The following MUC4 variants were observed in gnomAD, a reference collection of about 807,000 sequenced individuals.
MUC4 encodes the protein mucin 4, cell surface associated.
A neutral mutation model predicts 257.9 loss-of-function variants in MUC4; 202 were observed. That is an observed-to-expected ratio of 0.78 (90% CI 0.70 to 0.88). MUC4 has a LOEUF of 0.88. MUC4 is among the 40% of genes least tolerant of loss of function. The pLI is 0.00. For synonymous variants in MUC4, 2,351 were observed against 2,757.1 expected, an observed-to-expected ratio of 0.85 and a Z score of 4.62; for missense variants, 5,976 against 6,513.7, an observed-to-expected ratio of 0.92 and a Z score of 2.84.
rs773941413 is a variant in MUC4, at chr3:195,782,474, C to T, written c.9106G>A (p.Gly3036Ser). The T allele has an allele frequency of 1.7e-3, 2,414 of 1,437,578 alleles. 392 individuals are homozygous for T. The African/African-American group carries it at 0.053, about 32-fold the overall frequency. 89.1% of individuals were successfully genotyped at this position (1,437,578 alleles called of 1,614,324 possible). ...HVTSPSSAST[G>S]HATPLPVTDT... ...GTGACAGGAAGCGGGGTGGCGTGAC[C>T]GGTGGATGCTGAGGAAGGGCTGGTG... Residue 3036 changes from glycine to serine, a missense_variant, in exon 2 of 25, where the codon GGT becomes AGT. Gly to Ser is a moderately conservative substitution (Grantham distance 56, BLOSUM62 0). Around this residue, in one of 44 missense-constraint regions of MUC4, gnomAD observed 52 missense variants for 102.2 expected, o/e 0.51. Transcript: ENST00000463781.
intron 16 of MUC4, among the ~76,000 whole-genome samples, 163 bp from the exon 17 acceptor site, chr3:195,759,424 C>A (rs1560236690): frequency 6.6e-6 from 1 of 152,194 alleles, no homozygotes; most frequent in Non-Finnish European, 1.5e-5. Context: ...TGACGCACAG[C>A]AGGCTGGGAC....
rs374413405 is a variant in MUC4 at position 195,789,634 on chromosome 3, G to A, written c.1946C>T (p.Ser649Leu). ...GGGGGAGACGGACCTCGTGGTTTGT[G>A]ATTCTTGTGTGGTCTGCGGGGCTTG... is the stretch of plus-strand genomic sequence containing the variant. Reference protein sequence around the residue: ...HTQAPQTTQESQTTRSVSPMT... With the variant: ...HTQAPQTTQELQTTRSVSPMT... The change falls in exon 2 of 25, where the codon TCA becomes TTA. Residue 649 changes from serine (S) to leucine (L), a missense_variant. Around this residue, in one of 44 missense-constraint regions of MUC4, gnomAD observed 1,583 missense variants for 1,257.4 expected, o/e 1.26. Transcript: ENST00000463781. 20 of 1,613,894 alleles carry A rather than the reference G, an allele frequency of 1.2e-5. No individual in the cohort carries two copies. The East Asian group carries it at 2.2e-4, about 18-fold the overall frequency.
chr3:195,793,671 G>C (rs911503820), intron 1 of MUC4, among the ~76,000 whole-genome samples: 1 of 152,172 alleles, frequency 6.6e-6, no homozygotes, highest in Non-Finnish European at 1.5e-5. Context: ...TTGTGAGGAG[G>C]AAGGTGAGGT....
rs749631829 is a variant in MUC4, at chr3:195,789,035, A to G, written c.2545T>C (p.Ser849Pro). 8.1e-6 allele frequency: 13 copies of G among 1,613,802 alleles called. No individual in the cohort carries two copies. The highest frequency in any genetic ancestry group is 1.1e-5 in the Non-Finnish European group (13 of 1,179,832). Residue 849 changes from serine (S) to proline (P), a missense_variant, in exon 2 of 25, where the codon TCC becomes CCC. Ser to Pro is a moderately conservative substitution (Grantham distance 74). This residue lies in a region of MUC4 where 1,583 missense variants were observed against 1,257.4 expected (regional missense o/e 1.26). Coordinates refer to ENST00000463781, the MANE Select transcript of MUC4 (RefSeq NM_018406.7). The part of the protein sequence containing the change: ...HTTQSTTELL[S>P]ASASHGAIPV... ...ATGGCACCATGACTGGCTGAGGCGGACAGCAATTCGGTTGTTGACTGGGTT... is the reference window on the plus strand; with the variant it reads ...ATGGCACCATGACTGGCTGAGGCGGGCAGCAATTCGGTTGTTGACTGGGTT...
At chr3:195,774,056 A>G in intron 4 of MUC4, 116 bp downstream of exon 4, 1 of 1,319,730 alleles carries the variant, frequency 7.6e-7, no homozygotes, top group Non-Finnish European at 1.0e-6. Context: ...GTGGGGATGG[A>G]CGAGGGGCCC....
chr3:195,778,697 A>C, intron 2 of MUC4, 93 bp downstream of exon 2: 3 of 1,401,594 alleles, frequency 2.1e-6, no homozygotes, highest in Non-Finnish European at 2.9e-6. Context: ...CCACCAGGTA[A>C]TGCGAATGCA....
Position 195,762,884 on chromosome 3 carries a change from G to A in MUC4, c.14315C>T (p.Thr4772Ile). 1 of 1,571,416 alleles carries A rather than the reference G, an allele frequency of 6.4e-7. No homozygotes were observed. ...GCCGTCTTCATGGTCAGGCTGAAAT[G>A]TCACAGTCTGGTTATCCAGCAGGAC... is the stretch of plus-strand genomic sequence containing the variant. ...IRVLLDNQTV[T>I]FQPDHEDGGG... The change falls in exon 13 of 25, where the codon ACA becomes ATA. Residue 4772 changes from threonine (T) to isoleucine (I), a missense_variant. Coordinates refer to ENST00000463781, the MANE Select transcript of MUC4 (RefSeq NM_018406.7).
Position 195,769,065 on chromosome 3 carries a change from C to A in MUC4, c.13486G>T (p.Val4496Leu), listed in dbSNP as rs142282636. 6.2e-7 allele frequency: 1 copy of A among 1,614,102 alleles called. No individual in the cohort carries two copies. The highest frequency in any genetic ancestry group is 8.5e-7 in the Non-Finnish European group (1 of 1,180,012). ...ACCGGGTTGCCTGAGCGCTGGGCCA[C>A]GTCCCACTGCATCCCACCGCTCTGG... ...LYQSGGMQWD[V>L]AQRSGNPVLM... The change falls in exon 7 of 25, where the codon GTG becomes TTG. Residue 4496 changes from valine (V) to leucine (L), a missense_variant. Val to Leu is a conservative substitution (Grantham distance 32, BLOSUM62 1). Around this residue, in one of 44 missense-constraint regions of MUC4, gnomAD observed 996 missense variants for 1,137.3 expected, o/e 0.88. Transcript: ENST00000463781.
rs534365957 is a variant in MUC4, at chr3:195,765,645, C to T, written c.13619-196G>A. 3.9e-5 allele frequency among the ~76,000 whole-genome samples: 6 copies of T among 152,348 alleles called. No individual in the cohort carries two copies. In the East Asian group the frequency reaches 7.7e-4, roughly 20 times the overall value. The stretch of plus-strand genomic sequence containing the variant: ...TTAGCGTCTGCTTCTGACGACCAAA[C>T]GTGGTTGCCACAGAACAAATAGAAC... On this transcript the variant is annotated intron_variant, in intron 8 of 24. Transcript: ENST00000463781.
chr3:195,797,999 G>C (rs540160204), intron 1 of MUC4, among the ~76,000 whole-genome samples: 29 of 152,132 alleles, frequency 1.9e-4, no homozygotes, highest in Admixed American at 1.7e-3. Flanking sequence ...CACACATATA[G>C]TTCCAGCTAC....
intron 1 of MUC4, among the ~76,000 whole-genome samples, chr3:195,809,033 T>C (rs1355220337): frequency 6.6e-6 from 1 of 152,178 alleles, no homozygotes; most frequent in Non-Finnish European, 1.5e-5. Context: ...GACCAAGGCC[T>C]ATTTCGACCC....
intron 7 of MUC4, among the ~76,000 whole-genome samples, chr3:195,767,920 TGCCACCTCCACC>T (rs1721910386): frequency 2.3e-5 from 1 of 43,112 alleles, no homozygotes; most frequent in African/African-American, 1.2e-4. Context: ...CCATCGCCAC[TGCCACCTCCACC>T]GCCACTACCA....
At chr3:195,798,659 G>A (rs1206952976) in intron 1 of MUC4, among the ~76,000 whole-genome samples, 3 of 151,926 alleles carry the variant, frequency 2.0e-5, no homozygotes, top group African/African-American at 4.8e-5. Context: ...AGCCGAGATT[G>A]CACCACTGCA....
Position 195,791,083 on chromosome 3 carries a change from G to C in MUC4, c.497C>G (p.Thr166Ser). Residue 166 changes from threonine (T) to serine (S), a missense_variant, in exon 2 of 25, where the codon ACC (threonine) becomes AGC (serine). By Grantham distance (58) the Thr-to-Ser change is moderately conservative. This residue lies in a region of MUC4 where 1,583 missense variants were observed against 1,257.4 expected (regional missense o/e 1.26). Coordinates refer to ENST00000463781, the MANE Select transcript of MUC4 (RefSeq NM_018406.7). ...TAGTESSTPV[T>S]SAVSITAGQE... is the part of the protein sequence containing the mutation. ...TCCAGCTGTTATTGAGACTGCTGAG[G>C]TCACTGGGGTAGAACTTTCAGTTCC... is the stretch of plus-strand genomic sequence containing the variant. 6.2e-7 allele frequency: 1 copy of C among 1,613,710 alleles called. No individual in the cohort carries two copies. The highest frequency in any genetic ancestry group is 2.2e-5 in the East Asian group (1 of 44,850).
rs2148900195 is a variant in MUC4 at position 195,777,896 on chromosome 3, A to ACGGT, written c.12943+406_12943+407insACCG. Reference sequence around the variant, plus strand: ...CATACCTTCCACACCCATACCTTCCACAGCCATACCTTCCACACCCATACC... The same window carrying ACGGT: ...CATACCTTCCACACCCATACCTTCCACGGTCAGCCATACCTTCCACACCCATACC... On this transcript the variant is annotated intron_variant, in intron 3 of 24. Coordinates refer to ENST00000463781, the MANE Select transcript of MUC4 (RefSeq NM_018406.7). 2.7e-5 allele frequency among the ~76,000 whole-genome samples: 4 copies of ACGGT among 146,850 alleles called. 1 individual carries two copies. The highest frequency in any genetic ancestry group is 2.2e-4 in the South Asian group (1 of 4,550).
chr3:195,762,177 C>G lies in MUC4; in HGVS notation c.14422G>C (p.Ala4808Pro), dbSNP rs1040341255. ...SEVSASFDGW[A>P]TVSVIALSNI... Reference sequence around the variant, plus strand: ...GAGAGCGCGATCACCGAGACGGTGGCCCAGCCGTCGAAGCTGGCCGAGACC... The same window carrying G: ...GAGAGCGCGATCACCGAGACGGTGGGCCAGCCGTCGAAGCTGGCCGAGACC... The change falls in exon 14 of 25, where the codon GCC becomes CCC. Residue 4808 changes from alanine to proline, a missense_variant. Around this residue, in one of 44 missense-constraint regions of MUC4, gnomAD observed 996 missense variants for 1,137.3 expected, o/e 0.88. Coordinates refer to ENST00000463781, the MANE Select transcript of MUC4 (RefSeq NM_018406.7). The G allele has an allele frequency of 1.9e-6, 3 of 1,606,356 alleles. No individual in the cohort carries two copies. The highest frequency in any genetic ancestry group is 2.5e-6 in the Non-Finnish European group (3 of 1,176,782).
At chr3:195,765,693 C>T (rs558890808) in intron 8 of MUC4, among the ~76,000 whole-genome samples, 2 of 152,344 alleles carry the variant, frequency 1.3e-5, no homozygotes, top group South Asian at 2.1e-4. Context: ...TCACAGTTCA[C>T]GTGGCTGGTT....
At chr3:195,763,888 A>T (rs1201789932) in intron 11 of MUC4, among the ~76,000 whole-genome samples, 157 bp downstream of exon 11, 2 of 152,118 alleles carry the variant, frequency 1.3e-5, no homozygotes, top group Non-Finnish European at 2.9e-5. Flanking sequence ...TCAGGTACAA[A>T]GCCCCTCCAC....
At position 195,762,144 on chromosome 3, in the gene MUC4, G is replaced by C. The variant is rs1382177242; in HGVS notation, c.14455C>G (p.Leu4819Val). 3.7e-6 allele frequency: 6 copies of C among 1,607,016 alleles called. No homozygotes were observed. In the African/African-American group the frequency reaches 6.7e-5, roughly 18 times the overall value. The change falls in exon 14 of 25, where the codon CTC (leucine) becomes GTC (valine). Residue 4819 changes from leucine to valine, a missense_variant. Coordinates refer to ENST00000463781, the MANE Select transcript of MUC4 (RefSeq NM_018406.7). The part of the protein sequence containing the change: ...TVSVIALSNI[L>V]HASASLPPEY... ...GGCGGGAGGCTGGCGGAGGCGTGGA[G>C]GATGTTGGAGAGCGCGATCACCGAG... is the stretch of plus-strand genomic sequence containing the variant.
Sources: gnomAD v4.1 joint callset for allele counts (sites outside exome capture counted in the v4.1 genomes callset) on GRCh38, gnomAD v4.1.1 for gene constraint, gnomAD v4.1.1 regional missense constraint, MANE v1.5 for transcripts, NCBI Gene and HGNC (gene_info 2026-07-23, HGNC 2026-07-21) for gene names.